RASAL2: variants seen among roughly 807,000 people sequenced by gnomAD.
The protein encoded by RASAL2 is ras GTPase-activating protein nGAP.
In RASAL2, 58 loss-of-function variants were observed where a neutral mutation model predicts 128.9. The ratio of observed to expected loss-of-function variants is 0.45; its 90% CI spans 0.36 to 0.56. RASAL2 has a LOEUF of 0.56. Among genes scored for constraint, RASAL2 ranks in the 20% least tolerant of loss-of-function variants. The pLI, the probability that RASAL2 is intolerant of heterozygous loss-of-function variation, is 0.00. For synonymous variants in RASAL2, 561 were observed against 580.8 expected, an observed-to-expected ratio of 0.97 and a Z score of 0.49; for missense variants, 1,360 against 1,601.6, an observed-to-expected ratio of 0.85 and a Z score of 2.57.
intron 2 of RASAL2, among the ~76,000 whole-genome samples, chr1:178,290,428 T>C (rs1004249098): frequency 2.6e-5 from 4 of 152,218 alleles, no homozygotes; most frequent in Non-Finnish European, 5.9e-5. Context: ...GATGCGGTGC[T>C]TTTCCACAGT....
rs1648688397 is a variant in RASAL2, at chr1:178,476,561, T to C, written c.*3322T>C. 1 of 152,216 alleles carries C rather than the reference T, an allele frequency of 6.6e-6. No homozygotes were observed. The highest frequency in any genetic ancestry group is 2.1e-4 in the South Asian group (1 of 4,822). 9.4% of individuals were successfully genotyped at this position (152,216 alleles called of 1,614,324 possible). On this transcript the variant is annotated 3_prime_UTR_variant, in exon 18 of 18. Coordinates refer to ENST00000367649, the MANE Select transcript of RASAL2 (RefSeq NM_170692.4). ...TCATGCTGCTATAGCTTTTTGCTTT[T>C]TTTCATATAGTATCAAGTTGGTCAG...
At chr1:178,371,337 C>CACACACACACAAAT (rs1671692828) in intron 3 of RASAL2, among the ~76,000 whole-genome samples, 2 of 141,080 alleles carry the variant, frequency 1.4e-5, no homozygotes, top group African/African-American at 5.8e-5. Flanking sequence ...CACACACACA[C>CACACACACACAAAT]ACACACACAC....
At chr1:178,108,552 T>A (rs560979437) in intron 1 of RASAL2, among the ~76,000 whole-genome samples, 2 of 152,338 alleles carry the variant, frequency 1.3e-5, no homozygotes, top group South Asian at 2.1e-4. Context: ...GGCATAAAGA[T>A]GTAGAGGAAC....
chr1:178,164,650 T>C (rs936240700), intron 1 of RASAL2, among the ~76,000 whole-genome samples: 2 of 151,976 alleles, frequency 1.3e-5, no homozygotes, highest in African/African-American at 4.8e-5. Flanking sequence ...AAGGCAGAAA[T>C]ATATATTCCT....
chr1:178,339,258 T>G (rs1173679408), intron 3 of RASAL2, among the ~76,000 whole-genome samples: 2 of 152,186 alleles, frequency 1.3e-5, no homozygotes, highest in Admixed American at 1.3e-4. Context: ...ATTTACACAG[T>G]TAGGACCTAT....
At chr1:178,341,263 T>C (rs1412466637) in intron 3 of RASAL2, among the ~76,000 whole-genome samples, 2 of 152,184 alleles carry the variant, frequency 1.3e-5, no homozygotes, top group Admixed American at 1.3e-4. Flanking sequence ...AAAAATGAAA[T>C]ACTTAGCTTG....
chr1:178,395,595 C>T (rs1385909580), intron 4 of RASAL2, among the ~76,000 whole-genome samples: 3 of 152,070 alleles, frequency 2.0e-5, no homozygotes, highest in African/African-American at 7.3e-5. Context: ...AGCTACAATA[C>T]AGTTCCAACT....
chr1:178,300,240 C>A, intron 3 of RASAL2, 122 bp downstream of exon 3: 1 of 1,147,430 alleles, frequency 8.7e-7, no homozygotes, highest in Non-Finnish European at 1.2e-6. Flanking sequence ...ATCAATGGCA[C>A]GTTAAGCGAG....
intron 3 of RASAL2, among the ~76,000 whole-genome samples, chr1:178,342,857 C>T (rs941268356): frequency 1.3e-5 from 2 of 152,138 alleles, no homozygotes; most frequent in East Asian, 1.9e-4. Flanking sequence ...TTATAAGGAT[C>T]GTCTGTTACT....
At chr1:178,375,140 G>A (rs1671918151) in intron 3 of RASAL2, among the ~76,000 whole-genome samples, 1 of 152,134 alleles carries the variant, frequency 6.6e-6, no homozygotes, top group South Asian at 2.1e-4. Context: ...TACAGAGATA[G>A]GGTTTAATCT....
chr1:178,348,785 G>A (rs547434923), intron 3 of RASAL2, among the ~76,000 whole-genome samples: 1 of 150,886 alleles, frequency 6.6e-6, no homozygotes, highest in East Asian at 2.0e-4. Context: ...AGGACACCAG[G>A]TTTCTTTCTT....
At chr1:178,324,154 G>C (rs1159576770) in intron 3 of RASAL2, among the ~76,000 whole-genome samples, 3 of 152,146 alleles carry the variant, frequency 2.0e-5, no homozygotes, top group African/African-American at 7.2e-5. Context: ...CATAAACTTT[G>C]ATTTGAGCCA....
intron 1 of RASAL2, among the ~76,000 whole-genome samples, chr1:178,235,374 G>A (rs1438667168): frequency 1.3e-5 from 2 of 152,148 alleles, no homozygotes; most frequent in East Asian, 3.8e-4. Context: ...TACAATGTGT[G>A]AGGTGCTGTG....
At chr1:178,262,757 A>AT (rs1321072451) in intron 1 of RASAL2, among the ~76,000 whole-genome samples, 6 of 149,594 alleles carry the variant, frequency 4.0e-5, no homozygotes, top group Non-Finnish European at 7.4e-5. Flanking sequence ...TATTAAAAAG[A>AT]TTTTTTTCTC....
intron 4 of RASAL2, among the ~76,000 whole-genome samples, chr1:178,411,158 G>A (rs1162448211): frequency 2.1e-5 from 1 of 46,948 alleles, no homozygotes. Flanking sequence ...TGTGGTGTGT[G>A]TGTGTGTACA....
intron 1 of RASAL2, among the ~76,000 whole-genome samples, chr1:178,097,952 A>G (rs1445977370): frequency 6.6e-6 from 1 of 152,200 alleles, no homozygotes; most frequent in East Asian, 1.9e-4. Flanking sequence ...TCAGAGCTTT[A>G]TAATAGGTGG....
At chr1:178,372,428 G>A (rs1365988919) in intron 3 of RASAL2, 1 of 858,850 alleles carries the variant, frequency 1.2e-6, no homozygotes, top group Non-Finnish European at 1.4e-6. Context: ...ATTTTTAAAA[G>A]GAGAAGAGGA....
chr1:178,439,618 A>C, intron 6 of RASAL2, 43 bp downstream of exon 6: 1 of 1,589,034 alleles, frequency 6.3e-7, no homozygotes, highest in Non-Finnish European at 8.6e-7. Flanking sequence ...GTTAAACAAC[A>C]ATTGGATTTT....
In RASAL2 at chr1:178,467,373, T is replaced by A. The variant is rs1303234831; in HGVS notation, c.3630T>A (p.Ala1210=). Residue 1210 remains alanine, a synonymous_variant, in exon 17 of 18, where the codon GCT becomes GCA. Transcript: ENST00000367649. ...AAGAGGAACTGAAGAAGGATCATGC[T>A]GAGATGCAAGCAGTTATTGATGCAA... is the stretch of plus-strand genomic sequence containing the variant. The part of the protein sequence containing the change: ...AVEEELKKDH[A]EMQAVIDAKQ... The A allele has an allele frequency of 1.9e-6, 3 of 1,614,168 alleles. No homozygotes were observed. The Admixed American group carries it at 5.0e-5, about 27-fold the overall frequency.
Sources: allele counts gnomAD v4.1 joint callset (sites outside exome capture counted in the v4.1 genomes callset), GRCh38; gene constraint gnomAD v4.1.1; transcripts MANE v1.5; gene names NCBI Gene and HGNC (gene_info 2026-07-23, HGNC 2026-07-21).